The following MLXIP variants were observed in gnomAD, a reference collection of about 807,000 sequenced individuals.
MLXIP encodes the protein MLX interacting protein, also known as MLX-interacting protein.
MLXIP carries 30 observed loss-of-function variants against 87.2 expected under a neutral mutation model. The observed-to-expected ratio is 0.34, with a 90% CI of 0.26 to 0.47. The LOEUF (loss-of-function observed/expected upper bound fraction) is 0.47. Among genes scored for constraint, MLXIP ranks in the 20% least tolerant of loss-of-function variants. The pLI is 1.00. For missense variants in MLXIP, 1,002 were observed against 1,240.1 expected (o/e 0.81, Z 2.88); for synonymous variants, 530 against 514.0 (o/e 1.03, Z -0.42).
chr12:122,091,254 T>C (rs1022048799), intron 1 of MLXIP, among the ~76,000 whole-genome samples: 4 of 152,212 alleles, frequency 2.6e-5, no homozygotes, highest in African/African-American at 9.6e-5. Flanking sequence ...AATTCCATGA[T>C]TCTTTATCTT....
intron 1 of MLXIP, among the ~76,000 whole-genome samples, chr12:122,103,388 C>G (rs775255299): frequency 2.8e-4 from 43 of 151,914 alleles, no homozygotes; most frequent in Non-Finnish European, 5.9e-4. Context: ...CCATGCCCGG[C>G]TAATTTTTGT....
intron 12 of MLXIP, 41 bp from the exon 13 acceptor site, chr12:122,138,153 T>C: frequency 6.5e-7 from 1 of 1,528,086 alleles, no homozygotes; most frequent in Non-Finnish European, 8.9e-7. Context: ...ACAGTGTGCC[T>C]GCAATGTGCC....
intron 1 of MLXIP, among the ~76,000 whole-genome samples, chr12:122,110,994 G>A (rs1019039400): frequency 2.7e-5 from 4 of 149,100 alleles, no homozygotes; most frequent in Admixed American, 1.3e-4. Flanking sequence ...GGAGAATGGC[G>A]TGAACCCAGG....
chr12:122,117,445 A>C (rs1952709614), intron 1 of MLXIP, among the ~76,000 whole-genome samples: 1 of 152,236 alleles, frequency 6.6e-6, no homozygotes, highest in African/African-American at 2.4e-5. Context: ...CCAGGCCCAC[A>C]TCCCAGGACT....
chr12:122,093,815 G>C (rs1952293192), intron 1 of MLXIP, among the ~76,000 whole-genome samples: 1 of 142,782 alleles, frequency 7.0e-6, no homozygotes, highest in Non-Finnish European at 1.5e-5. Flanking sequence ...TGTGTCGTGT[G>C]TTGGTGTGTG....
At position 122,127,262 on chromosome 12, in the gene MLXIP, G is replaced by A. The variant is rs746066962; in HGVS notation, c.420G>A (p.Lys140=). ...GCTTTGCCTTGCCTTTCAGTGGGAAGTTGGTGTCTCCAAAGTGGAAGAATT... is the reference window on the plus strand; with the variant it reads ...GCTTTGCCTTGCCTTTCAGTGGGAAATTGGTGTCTCCAAAGTGGAAGAATT... ...FECMTLAYSG[K]LVSPKWKNFK... Residue 140 remains lysine (K), a synonymous_variant, in exon 2 of 17, where the codon AAG becomes AAA. Coordinates refer to ENST00000319080, the MANE Select transcript of MLXIP (RefSeq NM_014938.6). 2 of 1,613,500 alleles carry A rather than the reference G, an allele frequency of 1.2e-6. No homozygotes were observed. Among genetic ancestry groups the A allele is most frequent in the Non-Finnish European group, 1.7e-6 (2 of 1,179,558 alleles).
chr12:122,098,669 G>A (rs893316711), intron 1 of MLXIP, among the ~76,000 whole-genome samples: 1 of 152,194 alleles, frequency 6.6e-6, no homozygotes, highest in Non-Finnish European at 1.5e-5. Context: ...TCAAAGTCAC[G>A]GGGACTTGAG....
chr12:122,097,236 G>A (rs1378346998), intron 1 of MLXIP, among the ~76,000 whole-genome samples: 4 of 152,102 alleles, frequency 2.6e-5, no homozygotes, highest in Non-Finnish European at 5.9e-5. Context: ...TGTGATCACA[G>A]CTCACTGCAG....
rs1953069516 is a variant in MLXIP, at chr12:122,135,411, C to T, written c.1854+66C>T. On this transcript the variant is annotated intron_variant, in intron 10 of 16. Transcript: ENST00000319080. This position sits in a 1 kb window ranked among gnomAD's most constrained non-coding sequence, Gnocchi z 5.3. ...CCCGGAGCACTCTGATCTTGGGCGGCCCTCACCTGAGACGACTGGTGTGCC... is the reference window on the plus strand; with the variant it reads ...CCCGGAGCACTCTGATCTTGGGCGGTCCTCACCTGAGACGACTGGTGTGCC... 2 of 1,600,308 alleles carry T rather than the reference C, an allele frequency of 1.2e-6. No individual in the cohort carries two copies. The highest frequency in any genetic ancestry group is 2.3e-5 in the South Asian group (2 of 88,816).
chr12:122,088,891 G>C (rs1467439289), intron 1 of MLXIP, among the ~76,000 whole-genome samples: 1 of 151,746 alleles, frequency 6.6e-6, no homozygotes, highest in Non-Finnish European at 1.5e-5. Flanking sequence ...GCCTGAAGAG[G>C]CTGGGTGCAG....
At chr12:122,095,036 GGT>G (rs1236930151) in intron 1 of MLXIP, among the ~76,000 whole-genome samples, 4 of 146,940 alleles carry the variant, frequency 2.7e-5, no homozygotes, top group African/African-American at 7.5e-5. Flanking sequence ...GTGTGTGTGG[GGT>G]GTGTGGGAAT....
At position 122,142,010 on chromosome 12, in the gene MLXIP, G is replaced by C; in HGVS notation, c.*198G>C. 1 of 753,030 alleles carries C rather than the reference G, an allele frequency of 1.3e-6. No individual in the cohort carries two copies. Among genetic ancestry groups the C allele is most frequent in the Non-Finnish European group, 2.2e-6 (1 of 464,954 alleles). The allele number at this position is 753,030 out of a possible 1,614,324, so 46.6% of individuals were successfully genotyped here. A position where few individuals can be genotyped will look rare whatever the true frequency, so the allele number is the denominator to read the frequency against. On this transcript the variant is annotated 3_prime_UTR_variant, in exon 17 of 17. Coordinates refer to ENST00000319080, the MANE Select transcript of MLXIP (RefSeq NM_014938.6). ...CTGCTGACAGCAATAGCCCGCCTTT[G>C]GGAACCCCTTGCTGTGAACTCTCTC...
intron 1 of MLXIP, among the ~76,000 whole-genome samples, chr12:122,083,710 G>A (rs111173990): frequency 1.3e-5 from 2 of 152,088 alleles, no homozygotes; most frequent in Non-Finnish European, 2.9e-5. Flanking sequence ...CACCGGGCCC[G>A]GCTAACCCTT....
chr12:122,127,759 A>G, intron 2 of MLXIP, 124 bp from the exon 3 acceptor site: 2 of 736,350 alleles, frequency 2.7e-6, no homozygotes, highest in Non-Finnish European at 4.7e-6. Flanking sequence ...TCCTTTTCCT[A>G]GGGAAGGAGA....
intron 1 of MLXIP, among the ~76,000 whole-genome samples, chr12:122,122,963 A>T (rs1952808809): frequency 6.6e-6 from 1 of 151,398 alleles, no homozygotes; most frequent in Non-Finnish European, 1.5e-5. Context: ...AAGTGCTGGG[A>T]TTACAGGCGT....
rs1189197827 is a variant in MLXIP, at chr12:122,137,334, G to C, written c.2033-135G>C. 1 of 833,290 alleles carries C rather than the reference G, an allele frequency of 1.2e-6. No homozygotes were observed. Among genetic ancestry groups the C allele is most frequent in the African/African-American group, 1.7e-5 (1 of 57,268 alleles). The allele number at this position is 833,290 out of a possible 1,614,324, so 51.6% of individuals were successfully genotyped here. ...ATAAGAATAATCTAAGGAAGCATGT[G>C]TGTGCAGTTGAAAGAACCAAGTGCA... is the stretch of plus-strand genomic sequence containing the variant. On this transcript the variant is annotated intron_variant, in intron 11 of 16. Coordinates refer to ENST00000319080, the MANE Select transcript of MLXIP (RefSeq NM_014938.6). The surrounding 1 kb of genome is among the most constrained non-coding windows in gnomAD (Gnocchi z 4.1).
At chr12:122,081,351 G>C (rs909957083) in intron 1 of MLXIP, among the ~76,000 whole-genome samples, 1 of 152,200 alleles carries the variant, frequency 6.6e-6, no homozygotes, top group African/African-American at 2.4e-5. Context: ...AGGCTGGTTT[G>C]TCCAGTGCTG....
intron 1 of MLXIP, among the ~76,000 whole-genome samples, chr12:122,103,795 C>T (rs1310731721): frequency 1.3e-5 from 2 of 150,892 alleles, no homozygotes; most frequent in Non-Finnish European, 2.9e-5. Context: ...TCCCAAAGTG[C>T]TGGGATTACA....
Position 122,135,577 on chromosome 12 carries a change from T to C in MLXIP, c.1943T>C (p.Leu648Pro). The C allele has an allele frequency of 1.3e-6, 2 of 1,597,782 alleles. No homozygotes were observed. The highest frequency in any genetic ancestry group is 1.1e-5 in the South Asian group (1 of 88,198). ...TSSPPAPVSR[L>P]FPSTAQDPLG... ...AGCCCGCCTGCCCCCGTCTCCCGGC[T>C]CTTCCCAAGCACAGCGCAAGACCCC... is the stretch of plus-strand genomic sequence containing the variant. Residue 648 changes from leucine to proline, a missense_variant, in exon 11 of 17, where the codon CTC becomes CCC. Around this residue, in one of 3 missense-constraint regions of MLXIP, gnomAD observed 746 missense variants for 897.0 expected, o/e 0.83. Transcript: ENST00000319080. This position sits in a 1 kb window ranked among gnomAD's most constrained non-coding sequence, Gnocchi z 5.3.
Sources: gnomAD v4.1 joint callset for allele counts (sites outside exome capture counted in the v4.1 genomes callset) on GRCh38, gnomAD v4.1.1 for gene constraint, gnomAD v4.1.1 regional missense constraint, Gnocchi (gnomAD v3.1) non-coding constraint, MANE v1.5 for transcripts, NCBI Gene and HGNC (gene_info 2026-07-23, HGNC 2026-07-21) for gene names.